HS3ST5: variants seen among roughly 807,000 people sequenced by gnomAD.
HS3ST5 encodes heparan sulfate-glucosamine 3-sulfotransferase 5.
A neutral mutation model predicts 25.4 loss-of-function variants in HS3ST5; 10 were observed. That is an observed-to-expected ratio of 0.39 (90% confidence interval 0.24 to 0.67). The LOEUF is 0.67. HS3ST5 is among the 30% of genes least tolerant of loss of function. HS3ST5 has a pLI of 0.44. For synonymous variants in HS3ST5, 170 were observed against 162.4 expected, an observed-to-expected ratio of 1.05 and a Z score of -0.36; for missense variants, 324 against 420.7, an observed-to-expected ratio of 0.77 and a Z score of 2.01.
At chr6:114,218,815 T>A (rs1781892042) in intron 2 of HS3ST5, among the ~76,000 whole-genome samples, 1 of 152,224 alleles carries the variant, frequency 6.6e-6, no homozygotes, top group Non-Finnish European at 1.5e-5. Context: ...ACTTTTTAAA[T>A]CTATTTTTTT....
At chr6:114,334,155 C>T (rs936910638) in intron 1 of HS3ST5, among the ~76,000 whole-genome samples, 7 of 152,130 alleles carry the variant, frequency 4.6e-5, no homozygotes, top group African/African-American at 1.7e-4. Flanking sequence ...AATCCCTGTC[C>T]CTGAGAAGCA....
At position 114,250,687 on chromosome 6, in the gene HS3ST5, C is replaced by T. The variant is rs55894174; in HGVS notation, c.-338-21909G>A. 1.0e-3 allele frequency among the ~76,000 whole-genome samples: 157 copies of T among 152,082 alleles called. 1 individual carries two copies. Among genetic ancestry groups the T allele is most frequent in the African/African-American group, 3.6e-3 (149 of 41,512 alleles). On this transcript the variant is annotated intron_variant, in intron 1 of 4. Coordinates refer to ENST00000312719, the MANE Select transcript of HS3ST5 (RefSeq NM_153612.4). ...CCTGAAGGAAGAGACATTTTGTCTT[C>T]TCTTGAATAAAAGTTTGCTTTTTTT...
At chr6:114,274,220 T>C (rs1773754314) in intron 1 of HS3ST5, among the ~76,000 whole-genome samples, 1 of 152,014 alleles carries the variant, frequency 6.6e-6, no homozygotes, top group Admixed American at 6.6e-5. Flanking sequence ...TCTCTTCTGA[T>C]GCTTCTATTT....
At chr6:114,088,395 CTT>C (rs147003711) in intron 3 of HS3ST5, among the ~76,000 whole-genome samples, 4 of 143,218 alleles carry the variant, frequency 2.8e-5, no homozygotes, top group East Asian at 2.0e-4. Context: ...ATGATCTTCT[CTT>C]TTTTTTTTTT....
chr6:114,076,571 C>G (rs1386807768), intron 3 of HS3ST5, among the ~76,000 whole-genome samples: 21 of 152,184 alleles, frequency 1.4e-4, no homozygotes, highest in Non-Finnish European at 4.4e-5. Context: ...AGATACCGAT[C>G]TTAAGAAAGA....
At chr6:114,196,756 A>G (rs953840687) in intron 2 of HS3ST5, among the ~76,000 whole-genome samples, 4 of 152,100 alleles carry the variant, frequency 2.6e-5, no homozygotes, top group African/African-American at 9.7e-5. Flanking sequence ...ATAATAAGCT[A>G]TATGATTATT....
intron 3 of HS3ST5, among the ~76,000 whole-genome samples, chr6:114,133,972 G>C (rs777326227): frequency 8.0e-5 from 12 of 150,528 alleles, no homozygotes; most frequent in Non-Finnish European, 1.6e-4. Context: ...GTGGGAGCAT[G>C]AGAGAGAGAG....
chr6:114,071,331 A>C (rs1205484501), intron 3 of HS3ST5, among the ~76,000 whole-genome samples: 2 of 152,178 alleles, frequency 1.3e-5, no homozygotes, highest in Non-Finnish European at 2.9e-5. Flanking sequence ...TCTCCCTCCC[A>C]GGCCTTGGTT....
chr6:114,273,940 A>G (rs112616578), intron 1 of HS3ST5, among the ~76,000 whole-genome samples: 2 of 152,186 alleles, frequency 1.3e-5, no homozygotes, highest in African/African-American at 4.8e-5. Flanking sequence ...AGTAGGGCAA[A>G]GAAGAAAGAA....
At chr6:114,315,909 C>A (rs1010074569) in intron 1 of HS3ST5, among the ~76,000 whole-genome samples, 14 of 152,256 alleles carry the variant, frequency 9.2e-5, no homozygotes, top group African/African-American at 3.4e-4. Flanking sequence ...TGAGTTGTTG[C>A]TAACAGCTTT....
chr6:114,084,596 G>A, intron 3 of HS3ST5: 1 of 773,716 alleles, frequency 1.3e-6, no homozygotes, highest in African/African-American at 1.7e-5. Context: ...ACATAGTGCA[G>A]AGGAGAATTG....
At chr6:114,263,176 GA>G (rs1773253534) in intron 1 of HS3ST5, among the ~76,000 whole-genome samples, 1 of 152,048 alleles carries the variant, frequency 6.6e-6, no homozygotes. Flanking sequence ...ATTTTTAGTA[GA>G]TAAGCATTTA....
chr6:114,274,572 A>G (rs1773770440), intron 1 of HS3ST5, among the ~76,000 whole-genome samples: 1 of 152,078 alleles, frequency 6.6e-6, no homozygotes, highest in African/African-American at 2.4e-5. Flanking sequence ...GTGACAGTGA[A>G]AAGATAAAGA....
At chr6:114,140,990 A>G (rs1280949677) in intron 3 of HS3ST5, among the ~76,000 whole-genome samples, 1 of 152,260 alleles carries the variant, frequency 6.6e-6, no homozygotes, top group East Asian at 1.9e-4. Context: ...CCTGTAACAA[A>G]TCAAGTACTC....
intron 2 of HS3ST5, among the ~76,000 whole-genome samples, chr6:114,211,308 A>T (rs1468848169): frequency 6.6e-6 from 1 of 152,018 alleles, no homozygotes; most frequent in Non-Finnish European, 1.5e-5. Context: ...TTTCCACTTC[A>T]TCTTATTTCC....
At chr6:114,239,564 A>G (rs939067628) in intron 1 of HS3ST5, among the ~76,000 whole-genome samples, 3 of 152,114 alleles carry the variant, frequency 2.0e-5, no homozygotes, top group African/African-American at 7.2e-5. Flanking sequence ...CAGTTAGGAG[A>G]CAGGAGTTGC....
intron 1 of HS3ST5, among the ~76,000 whole-genome samples, chr6:114,340,318 A>G (rs908033670): frequency 6.6e-6 from 1 of 152,206 alleles, no homozygotes; most frequent in Admixed American, 6.5e-5. Context: ...TTACATACCT[A>G]TTTGAAAATA....
chr6:114,174,579 T>TA (rs1222594086), intron 2 of HS3ST5, among the ~76,000 whole-genome samples: 2 of 152,206 alleles, frequency 1.3e-5, no homozygotes, highest in Admixed American at 6.5e-5. Flanking sequence ...AACCACATTT[T>TA]AAAAAATTAC....
intron 3 of HS3ST5, among the ~76,000 whole-genome samples, chr6:114,153,464 A>G (rs755720996): frequency 1.6e-4 from 25 of 152,290 alleles, no homozygotes; most frequent in Non-Finnish European, 3.1e-4. Flanking sequence ...CTGAAAAATC[A>G]TATCCTCTCT....
Sources: allele counts gnomAD v4.1 joint callset (sites outside exome capture counted in the v4.1 genomes callset), GRCh38; gene constraint gnomAD v4.1.1; transcripts MANE v1.5; gene names NCBI Gene and HGNC (gene_info 2026-07-23, HGNC 2026-07-21).